Variants in RAD51B observed in about 807,000 individuals in gnomAD.
RAD51B encodes RAD51 paralog B.
RAD51B carries 38 observed loss-of-function variants against 42.2 expected under a neutral mutation model. That is an observed-to-expected ratio of 0.90 (90% CI 0.70 to 1.18). The LOEUF is 1.18. Among genes scored for constraint, RAD51B ranks in the 50% most tolerant of loss-of-function variants. RAD51B has a pLI of 0.00. For synonymous variants in RAD51B, 154 were observed against 145.2 expected (o/e 1.06, Z -0.43); for missense variants, 373 against 400.7 (o/e 0.93, Z 0.59).
At chr14:68,003,701 C>T (rs376312596) in intron 7 of RAD51B, among the ~76,000 whole-genome samples, 2 of 152,228 alleles carry the variant, frequency 1.3e-5, no homozygotes, top group East Asian at 1.9e-4. Flanking sequence ...TCTTCAATAC[C>T]TAGTTTATTG....
chr14:68,218,835 T>C (rs1045263467), intron 7 of RAD51B, among the ~76,000 whole-genome samples: 1 of 152,236 alleles, frequency 6.6e-6, no homozygotes, highest in African/African-American at 2.4e-5. Context: ...AGTGTATATA[T>C]ATTATCAAGC....
chr14:68,339,220 G>C, intron 8 of RAD51B: 1 of 1,146,620 alleles, frequency 8.7e-7, no homozygotes, highest in Non-Finnish European at 1.3e-6. Context: ...TTTGTCTCTG[G>C]CCTGTACTTG....
chr14:68,532,776 A>G (rs1184985815), intron 10 of RAD51B, among the ~76,000 whole-genome samples: 1 of 152,232 alleles, frequency 6.6e-6, no homozygotes, highest in African/African-American at 2.4e-5. Context: ...AGACTAATCC[A>G]TTATAAACAT....
intron 10 of RAD51B, among the ~76,000 whole-genome samples, chr14:68,609,829 C>T (rs1047375730): frequency 2.6e-5 from 4 of 152,086 alleles, no homozygotes; most frequent in African/African-American, 9.7e-5. Context: ...AGCCAACCCC[C>T]TAGCTGCCTC....
chr14:68,343,664 T>TAATTTCCAA (rs1470804226), intron 8 of RAD51B, among the ~76,000 whole-genome samples: 2 of 152,380 alleles, frequency 1.3e-5, no homozygotes, highest in Non-Finnish European at 2.9e-5. Flanking sequence ...AGCCAAGTGC[T>TAATTTCCAA]AATTTCCAAG....
intron 7 of RAD51B, among the ~76,000 whole-genome samples, chr14:68,049,038 A>T (rs942858597): frequency 6.6e-6 from 1 of 152,192 alleles, no homozygotes; most frequent in Admixed American, 6.5e-5. Flanking sequence ...ATAAAAAATG[A>T]TGAGTTCATG....
chr14:68,468,055 T>A, intron 9 of RAD51B, 117 bp from the exon 10 acceptor site: 3 of 824,814 alleles, frequency 3.6e-6, no homozygotes, highest in Non-Finnish European at 6.0e-6. Context: ...TTTTTTTAAA[T>A]AAGCCTTGTG....
At chr14:68,432,005 T>C (rs1051889306) in intron 9 of RAD51B, among the ~76,000 whole-genome samples, 1 of 152,232 alleles carries the variant, frequency 6.6e-6, no homozygotes, top group Non-Finnish European at 1.5e-5. Flanking sequence ...CATTTCGTTA[T>C]GTACCCAGTA....
intron 7 of RAD51B, among the ~76,000 whole-genome samples, chr14:67,907,529 T>C (rs2043817000): frequency 6.6e-6 from 1 of 152,112 alleles, no homozygotes; most frequent in Non-Finnish European, 1.5e-5. Flanking sequence ...TGGAGTCATA[T>C]GAAAGCTTGT....
chr14:68,468,101 G>A, intron 9 of RAD51B, 71 bp from the exon 10 acceptor site: 1 of 1,322,868 alleles, frequency 7.6e-7, no homozygotes. Context: ...GTCTCAAAGT[G>A]GGAAGGGGAG....
chr14:68,023,451 T>C (rs1364332498), intron 7 of RAD51B, among the ~76,000 whole-genome samples: 1 of 152,156 alleles, frequency 6.6e-6, no homozygotes, highest in Non-Finnish European at 1.5e-5. Flanking sequence ...CCTCGCCTCC[T>C]GAGTAGCTGT....
At chr14:68,187,578 C>T (rs1649168652) in intron 7 of RAD51B, among the ~76,000 whole-genome samples, 1 of 152,126 alleles carries the variant, frequency 6.6e-6, no homozygotes, top group African/African-American at 2.4e-5. Context: ...AAAAGTAATA[C>T]ATACCCTTAA....
At chr14:68,635,752 T>C (rs1892328031) in intron 10 of RAD51B, among the ~76,000 whole-genome samples, 1 of 152,194 alleles carries the variant, frequency 6.6e-6, no homozygotes, top group South Asian at 2.1e-4. Flanking sequence ...GTGGCTATTG[T>C]ATTAGATAGG....
intron 7 of RAD51B, among the ~76,000 whole-genome samples, chr14:67,931,245 A>G (rs2044722265): frequency 6.6e-6 from 1 of 152,030 alleles, no homozygotes; most frequent in East Asian, 1.9e-4. Flanking sequence ...CAAAAGGCCC[A>G]TCTTCAGGTT....
intron 7 of RAD51B, among the ~76,000 whole-genome samples, chr14:68,024,044 C>T (rs753310750): frequency 1.3e-5 from 2 of 152,122 alleles, no homozygotes; most frequent in Non-Finnish European, 2.9e-5. Flanking sequence ...ATTAGGAGTT[C>T]AATTTCATTT....
chr14:67,921,105 C>A (rs1295619971), intron 7 of RAD51B, among the ~76,000 whole-genome samples: 1 of 152,182 alleles, frequency 6.6e-6, no homozygotes, highest in Non-Finnish European at 1.5e-5. Context: ...ATATGAATCA[C>A]TGAGAAAGTT....
chr14:67,924,725 A>G (rs2044445171), intron 7 of RAD51B, among the ~76,000 whole-genome samples: 1 of 152,198 alleles, frequency 6.6e-6, no homozygotes, highest in African/African-American at 2.4e-5. Flanking sequence ...TGGGAATTCA[A>G]GATGAAATTT....
At chr14:68,422,485 G>A (rs1197759025) in intron 9 of RAD51B, among the ~76,000 whole-genome samples, 2 of 151,114 alleles carry the variant, frequency 1.3e-5, no homozygotes, top group East Asian at 3.9e-4. Context: ...GCTTGAACCC[G>A]GGAGGTGGAA....
chr14:67,973,210 G>A (rs2074930633), intron 7 of RAD51B, among the ~76,000 whole-genome samples: 2 of 152,250 alleles, frequency 1.3e-5, no homozygotes, highest in South Asian at 4.1e-4. Flanking sequence ...AAGTCTGTAA[G>A]TGAGCTTGAA....
Sources: gnomAD v4.1 joint callset for allele counts (sites outside exome capture counted in the v4.1 genomes callset) on GRCh38, gnomAD v4.1.1 for gene constraint, MANE v1.5 for transcripts, NCBI Gene and HGNC (gene_info 2026-07-23, HGNC 2026-07-21) for gene names.